Variants in MTFR1 observed in about 807,000 individuals in gnomAD.
MTFR1 encodes the protein chondrocyte protein with a poly-proline region.
Under a neutral mutation model 38.8 loss-of-function variants are expected in MTFR1, and 28 were observed. The ratio of observed to expected loss-of-function variants is 0.72; its 90% CI spans 0.53 to 0.99. The LOEUF (loss-of-function observed/expected upper bound fraction) is 0.99, where lower values mean the gene tolerates loss of function less well. Among genes scored for constraint, MTFR1 ranks in the 50% least tolerant of loss-of-function variants. MTFR1 has a pLI of 0.00. For missense variants in MTFR1, 358 were observed against 395.5 expected, an observed-to-expected ratio of 0.91 and a Z score of 0.81; for synonymous variants, 145 against 137.0, an observed-to-expected ratio of 1.06 and a Z score of -0.41.
intron 4 of MTFR1, among the ~76,000 whole-genome samples, chr8:65,694,449 C>T (rs1012209024): frequency 6.6e-6 from 1 of 152,072 alleles, no homozygotes; most frequent in African/African-American, 2.4e-5. Context: ...CAAGACTTGA[C>T]TAGTATTTAT....
downstream of MTFR1, among the ~76,000 whole-genome samples, chr8:65,711,079 C>CTGTT: frequency 6.6e-6 from 1 of 152,160 alleles, no homozygotes; most frequent in Middle Eastern, 3.4e-3. Context: ...ACATGATCCC[C>CTGTT]TGTTAAATAA....
intron 4 of MTFR1, among the ~76,000 whole-genome samples, chr8:65,698,277 T>TA (rs1280531561): frequency 2.6e-5 from 4 of 151,758 alleles, no homozygotes; most frequent in Admixed American, 2.6e-4. Context: ...ACCTCCTAAG[T>TA]AGCTGGGGTT....
chr8:65,663,398 G>C (rs1378301379), intron 1 of MTFR1, among the ~76,000 whole-genome samples: 1 of 151,796 alleles, frequency 6.6e-6, no homozygotes, highest in African/African-American at 2.4e-5. Flanking sequence ...CACTGTGGAA[G>C]GCCGCAGGGT....
Position 65,759,617 on chromosome 8 carries a change from A to AT in MTFR1, c.*49-11324dup, listed in dbSNP as rs1220988860. On this transcript the variant is annotated intron_variant, in intron 3 of 3. Coordinates refer to the MTFR1 transcript ENST00000521247. Reference sequence around the variant, plus strand: ...AATGCTGAAATAGTTGATTCTGGTCATTTTTTCTACTTGGGTAGTTGTTTC... The same window carrying AT: ...AATGCTGAAATAGTTGATTCTGGTCATTTTTTTCTACTTGGGTAGTTGTTTC... 3.3e-5 allele frequency among the ~76,000 whole-genome samples: 5 copies of AT among 152,196 alleles called. No homozygotes were observed. In the East Asian group the frequency reaches 7.7e-4, roughly 23 times the overall value.
chr8:65,682,111 G>T (rs974405957), intron 2 of MTFR1: 2 of 202,244 alleles, frequency 9.9e-6, no homozygotes, highest in Non-Finnish European at 2.0e-5. Context: ...TTACTGGCTA[G>T]TTTATATTTT....
chr8:65,699,388 CTCTTTTAA>C, intron 4 of MTFR1, among the ~76,000 whole-genome samples: 1 of 152,320 alleles, frequency 6.6e-6, no homozygotes, highest in South Asian at 2.1e-4. Flanking sequence ...AACAATAGTT[CTCTTTTAA>C]GTTCTTTGAG....
intron 3 of MTFR1, among the ~76,000 whole-genome samples, chr8:65,691,945 A>G (rs1343923366): frequency 6.6e-6 from 1 of 152,252 alleles, no homozygotes; most frequent in Non-Finnish European, 1.5e-5. Context: ...TTAAACTTTC[A>G]ACAATGTTAG....
chr8:65,743,623 G>A (rs1807538981), intron 3 of MTFR1, among the ~76,000 whole-genome samples: 2 of 152,154 alleles, frequency 1.3e-5, no homozygotes, highest in Admixed American at 1.3e-4. Flanking sequence ...GAATAATGGA[G>A]TGATACTAAA....
chr8:65,743,159 G>A lies in MTFR1; in HGVS notation c.*48+23678G>A, dbSNP rs549285134. On this transcript the variant is annotated intron_variant, in intron 3 of 3. Coordinates refer to the MTFR1 transcript ENST00000521247. ...TTATGTAAGGCTAAACCTTGAAAAT[G>A]TTAAGAGTGGCATTGTTTCATCTAT... 2.0e-5 allele frequency among the ~76,000 whole-genome samples: 3 copies of A among 152,330 alleles called. No homozygotes were observed. The South Asian group carries it at 6.2e-4, about 32-fold the overall frequency.
intron 3 of MTFR1, among the ~76,000 whole-genome samples, chr8:65,762,677 T>C (rs567514708): frequency 6.6e-5 from 10 of 152,360 alleles, no homozygotes; most frequent in African/African-American, 1.4e-4. Flanking sequence ...GACATGGTCA[T>C]TATTATGAAT....
intron 2 of MTFR1, among the ~76,000 whole-genome samples, chr8:65,670,580 G>A (rs961195433): frequency 6.6e-6 from 1 of 152,180 alleles, no homozygotes; most frequent in Middle Eastern, 3.4e-3. Flanking sequence ...CAAGTATTGT[G>A]CCAAGTACAT....
chr8:65,777,279 A>G, the MTFR1 span, among the ~76,000 whole-genome samples: 3 of 151,760 alleles, frequency 2.0e-5, no homozygotes, highest in African/African-American at 4.8e-5. Flanking sequence ...GGGTTTCTCT[A>G]TGTTGGTCAG....
intron 1 of MTFR1, among the ~76,000 whole-genome samples, chr8:65,663,141 T>G (rs900678354): frequency 1.3e-5 from 2 of 152,152 alleles, no homozygotes; most frequent in Middle Eastern, 3.2e-3. Flanking sequence ...CGTGTCTGTG[T>G]AGAAAGAGGT....
chr8:65,747,819 T>G (rs1427773900), intron 3 of MTFR1: 2 of 1,583,290 alleles, frequency 1.3e-6, no homozygotes, highest in Non-Finnish European at 1.7e-6. Flanking sequence ...ATAAAAAGAA[T>G]AAAAGGTAAG....
At chr8:65,645,737 C>T (rs550504308) in intron 1 of MTFR1, among the ~76,000 whole-genome samples, 1 of 134,630 alleles carries the variant, frequency 7.4e-6, no homozygotes, top group Non-Finnish European at 1.5e-5. Flanking sequence ...TTATGTTGCT[C>T]AGGCTATCTT....
At chr8:65,777,077 C>CTTTTTT in the MTFR1 span, among the ~76,000 whole-genome samples, 3 of 90,462 alleles carry the variant, frequency 3.3e-5, no homozygotes, top group African/African-American at 5.4e-5. Flanking sequence ...TTATCAAATG[C>CTTTTTT]TTTTTTTTTT....
intron 1 of MTFR1, among the ~76,000 whole-genome samples, chr8:65,650,338 A>AT (rs1335676834): frequency 6.6e-6 from 1 of 150,414 alleles, no homozygotes; most frequent in Non-Finnish European, 1.5e-5. Context: ...TGCCCAGCTA[A>AT]TTTTTTGTAT....
At chr8:65,711,849 C>G (rs1306688361), downstream of MTFR1, among the ~76,000 whole-genome samples, 2 of 152,204 alleles carry the variant, frequency 1.3e-5, no homozygotes, top group Admixed American at 1.3e-4. Flanking sequence ...CATTCTCCAG[C>G]CCCTTGTTAA....
At chr8:65,727,513 C>T in intron 3 of MTFR1, 2 of 497,416 alleles carry the variant, frequency 4.0e-6, no homozygotes, top group South Asian at 3.8e-5. Context: ...ACAACAGTGG[C>T]CCTGCCCATG....
Sources: gnomAD v4.1 joint callset for allele counts (sites outside exome capture counted in the v4.1 genomes callset) on GRCh38, gnomAD v4.1.1 for gene constraint, MANE v1.5 for transcripts, NCBI Gene and HGNC (gene_info 2026-07-23, HGNC 2026-07-21) for gene names.